The following WDR41 variants were observed in gnomAD, a reference collection of about 807,000 sequenced individuals.
WDR41 encodes WD repeat-containing protein 41.
A neutral mutation model predicts 69.3 loss-of-function variants in WDR41; 63 were observed. The observed-to-expected ratio is 0.91, with a 90% CI of 0.74 to 1.12. The LOEUF (loss-of-function observed/expected upper bound fraction) is 1.12, where lower values mean the gene tolerates loss of function less well. Ranked by LOEUF, WDR41 falls within the 50% of genes most tolerant of loss-of-function variation. The pLI is 0.00. For synonymous variants in WDR41, 185 were observed against 192.1 expected, an observed-to-expected ratio of 0.96 and a Z score of 0.31; for missense variants, 543 against 534.5, an observed-to-expected ratio of 1.02 and a Z score of -0.16.
chr5:77,498,922 T>G (rs957703329), intron 1 of WDR41, among the ~76,000 whole-genome samples: 1 of 152,080 alleles, frequency 6.6e-6, no homozygotes, highest in African/African-American at 2.4e-5. Flanking sequence ...ATTGATAAAT[T>G]GTACTACATC....
intron 1 of WDR41, among the ~76,000 whole-genome samples, chr5:77,559,249 C>T (rs1023796689): frequency 3.9e-5 from 6 of 151,998 alleles, no homozygotes; most frequent in African/African-American, 1.2e-4. Context: ...CACTAAATGT[C>T]GAGTTGGGGA....
chr5:77,556,261 C>T (rs904535097), intron 1 of WDR41, among the ~76,000 whole-genome samples: 1 of 151,980 alleles, frequency 6.6e-6, no homozygotes. Context: ...CATGCCACCA[C>T]GCCCAGCTAA....
chr5:77,568,595 T>C (rs1022816264), intron 1 of WDR41, among the ~76,000 whole-genome samples: 1 of 152,046 alleles, frequency 6.6e-6, no homozygotes, highest in Non-Finnish European at 1.5e-5. Context: ...GGGGAGAAAA[T>C]AATTTCCCCT....
chr5:77,522,364 G>A (rs1413847698), intron 1 of WDR41, among the ~76,000 whole-genome samples: 3 of 152,166 alleles, frequency 2.0e-5, no homozygotes, highest in Non-Finnish European at 4.4e-5. Context: ...GAAAGAGGCC[G>A]GGCGTGGTGG....
chr5:77,532,668 C>T (rs979992921), intron 1 of WDR41, among the ~76,000 whole-genome samples: 3 of 151,984 alleles, frequency 2.0e-5, no homozygotes, highest in African/African-American at 7.2e-5. Context: ...ATGGTTGAAT[C>T]TCCTAAACAT....
intron 1 of WDR41, among the ~76,000 whole-genome samples, chr5:77,537,224 G>T (rs139891413): frequency 6.6e-6 from 1 of 152,100 alleles, no homozygotes; most frequent in South Asian, 2.1e-4. Context: ...TAACCATTGC[G>T]TTCGGAAAAT....
At chr5:77,594,306 C>G (rs182978395) in intron 1 of WDR41, among the ~76,000 whole-genome samples, 2,778 of 150,920 alleles carry the variant, frequency 0.018, 83 homozygotes, top group African/African-American at 0.062. Flanking sequence ...AGGAGATATA[C>G]CTAATGTAAA....
intron 1 of WDR41, among the ~76,000 whole-genome samples, chr5:77,617,258 A>G (rs1050111107): frequency 3.3e-5 from 5 of 152,232 alleles, no homozygotes; most frequent in African/African-American, 9.6e-5. Context: ...AAATAGCCAC[A>G]TGGTGCTGGT....
intron 1 of WDR41, among the ~76,000 whole-genome samples, chr5:77,509,592 G>T (rs1162328766): frequency 6.6e-6 from 1 of 152,166 alleles, no homozygotes. Context: ...AAAGAAGGCA[G>T]TCACAAAGAC....
intron 8 of WDR41, among the ~76,000 whole-genome samples, chr5:77,449,221 C>T (rs576368962): frequency 1.5e-3 from 216 of 139,774 alleles, no homozygotes; most frequent in African/African-American, 5.8e-3. Context: ...GGATGTACAG[C>T]AGGTCAAAAC....
rs755883746 is a variant in WDR41, at chr5:77,433,136, T to C, written c.1379A>G (p.Ter460TrpextTer12). ...EENGDLYLAV[*>W] The stretch of plus-strand genomic sequence containing the variant: ...CATGTGTATTTTTAATTCCTTAAAC[T>C]AGACAGCAAGGTATAAGTCACCATT... Residue 460 changes from the stop codon to tryptophan (W), a stop_lost, in exon 13 of 13, where the codon TAG becomes TGG. Coordinates refer to ENST00000296679, the MANE Select transcript of WDR41 (RefSeq NM_018268.4). 1.2e-6 allele frequency: 2 copies of C among 1,610,620 alleles called. No individual in the cohort carries two copies. The highest frequency in any genetic ancestry group is 2.2e-5 in the South Asian group (2 of 90,108).
intron 2 of WDR41, chr5:77,480,290 G>C (rs1296981234): frequency 5.8e-5 from 7 of 120,434 alleles, no homozygotes; most frequent in African/African-American, 1.8e-4. Context: ...TCTAGAACTA[G>C]AAATACCATT....
intron 1 of WDR41, among the ~76,000 whole-genome samples, chr5:77,574,385 C>G (rs775245811): frequency 2.2e-4 from 33 of 152,162 alleles, no homozygotes; most frequent in Admixed American, 3.3e-4. Flanking sequence ...GATCTCACCT[C>G]TTATTCCACA....
At chr5:77,561,897 T>C (rs999551113) in intron 1 of WDR41, among the ~76,000 whole-genome samples, 3 of 152,228 alleles carry the variant, frequency 2.0e-5, no homozygotes, top group African/African-American at 7.2e-5. Context: ...TTTTATTTTG[T>C]TATATTTTGT....
intron 2 of WDR41, among the ~76,000 whole-genome samples, chr5:77,475,432 T>C (rs1800864834): frequency 6.6e-6 from 1 of 152,148 alleles, no homozygotes; most frequent in South Asian, 2.1e-4. Context: ...TCTGATAGCT[T>C]TGAAGAGAGC....
At chr5:77,568,332 C>T (rs1256176004) in intron 1 of WDR41, among the ~76,000 whole-genome samples, 2 of 152,120 alleles carry the variant, frequency 1.3e-5, no homozygotes, top group East Asian at 3.9e-4. Context: ...AGAACAGTTC[C>T]CCTTTGTGCC....
At chr5:77,501,377 T>C (rs777111517) in intron 1 of WDR41, among the ~76,000 whole-genome samples, 1 of 152,150 alleles carries the variant, frequency 6.6e-6, no homozygotes, top group Non-Finnish European at 1.5e-5. Context: ...GCCGGGAAGC[T>C]CGAACTGGGC....
intron 1 of WDR41, among the ~76,000 whole-genome samples, chr5:77,587,951 C>A (rs1243835356): frequency 6.6e-6 from 1 of 152,132 alleles, no homozygotes; most frequent in East Asian, 1.9e-4. Flanking sequence ...GGATCTTGAA[C>A]TTTTGGCCTC....
intron 1 of WDR41, among the ~76,000 whole-genome samples, chr5:77,617,647 C>A (rs1314805315): frequency 2.0e-5 from 3 of 152,136 alleles, no homozygotes; most frequent in Non-Finnish European, 4.4e-5. Context: ...CACAAAATAC[C>A]ATCTACGTTT....
Sources: gnomAD v4.1 joint callset for allele counts (sites outside exome capture counted in the v4.1 genomes callset) on GRCh38, gnomAD v4.1.1 for gene constraint, MANE v1.5 for transcripts, NCBI Gene and HGNC (gene_info 2026-07-23, HGNC 2026-07-21) for gene names.